ZZZ3: variants seen among roughly 807,000 people sequenced by gnomAD.
ZZZ3 encodes the protein ZZ-type zinc finger-containing protein 3.
In ZZZ3, 22 loss-of-function variants were observed where a neutral mutation model predicts 95.2. The ratio of observed to expected loss-of-function variants is 0.23; its 90% CI spans 0.17 to 0.33. ZZZ3 has a LOEUF of 0.33. Among genes scored for constraint, ZZZ3 ranks in the 10% least tolerant of loss-of-function variants. The pLI is 1.00. For missense variants in ZZZ3, 885 were observed against 1,066.5 expected, an observed-to-expected ratio of 0.83 and a Z score of 2.37; for synonymous variants, 335 against 358.9, an observed-to-expected ratio of 0.93 and a Z score of 0.75.
chr1:77,575,833 T>A (rs1330025287), intron 12 of ZZZ3, among the ~76,000 whole-genome samples: 1 of 152,206 alleles, frequency 6.6e-6, no homozygotes, highest in Non-Finnish European at 1.5e-5. Context: ...TTGAGGTGGG[T>A]AGGGAGTAGA....
At chr1:77,668,552 AC>A (rs1671454106) in intron 1 of ZZZ3, among the ~76,000 whole-genome samples, 1 of 152,036 alleles carries the variant, frequency 6.6e-6, no homozygotes, top group Admixed American at 6.6e-5. Context: ...AATAAGGAAA[AC>A]AAAGCTTAGA....
chr1:77,578,778 T>C lies in ZZZ3; in HGVS notation c.2174A>G (p.Lys725Arg), dbSNP rs755933801. The C allele has an allele frequency of 3.3e-6, 5 of 1,518,504 alleles. No homozygotes were observed. In the East Asian group the frequency reaches 7.4e-5, roughly 22 times the overall value. The allele number at this position is 1,518,504 out of a possible 1,614,324, so 94.1% of individuals were successfully genotyped here. ...CTTTCATGTATTTTCTTTTACCTTT[T>C]TGGAGTATATATATAAGTTTGGTGT... is the stretch of plus-strand genomic sequence containing the variant. The part of the protein sequence containing the change: ...GRTPNLYIYS[K>R]KSSTSRRQHP... Residue 725 changes from lysine (K) to arginine (R), a missense_variant, in exon 11 of 15, where the codon AAA becomes AGA. Physicochemically the swap from Lys to Arg is conservative, Grantham distance 26 (BLOSUM62 2). Transcript: ENST00000370801.
At position 77,593,899 on chromosome 1, in the gene ZZZ3, CTTCT is replaced by C. The variant is rs1303856549; in HGVS notation, c.1506-9248_1506-9245del. Among the ~76,000 whole-genome samples the C allele has an allele frequency of 5.3e-5, 8 of 152,256 alleles. No individual in the cohort carries two copies. In the South Asian group the frequency reaches 8.3e-4, roughly 16 times the overall value. ...TCAAGTCATTAAACCTTGGGTCTTGCTTCTTTGTCTTTAAAATGAAAATGGACAA... is the reference window on the plus strand; with the variant it reads ...TCAAGTCATTAAACCTTGGGTCTTGCTTGTCTTTAAAATGAAAATGGACAA... On this transcript the variant is annotated intron_variant, in intron 5 of 14. Coordinates refer to ENST00000370801, the MANE Select transcript of ZZZ3 (RefSeq NM_015534.6).
At position 77,562,503 on chromosome 1, in the gene ZZZ3, C is replaced by T. The variant is rs1660498532; in HGVS notation, c.*3137G>A. 1 of 152,198 alleles carries T rather than the reference C, an allele frequency of 6.6e-6. No individual in the cohort carries two copies. Among genetic ancestry groups the T allele is most frequent in the Non-Finnish European group, 1.5e-5 (1 of 68,044 alleles). The allele number at this position is 152,198 out of a possible 1,614,324, so 9.4% of individuals were successfully genotyped here. A position where few individuals can be genotyped will look rare whatever the true frequency, so the allele number is the denominator to read the frequency against. On this transcript the variant is annotated 3_prime_UTR_variant, in exon 15 of 15. Transcript: ENST00000370801. ...CACAAAACAATATTTATCTTTATTA[C>T]ATGTGATGTACCATTTTCTCTATTC...
chr1:77,669,022 AAC>A (rs1491014180), intron 1 of ZZZ3, among the ~76,000 whole-genome samples: 1 of 152,190 alleles, frequency 6.6e-6, no homozygotes, highest in Admixed American at 6.5e-5. Flanking sequence ...AAAAAAAAAA[AAC>A]AGCCTTATGC....
chr1:77,579,633 G>C lies in ZZZ3; in HGVS notation c.1981-5C>G, dbSNP rs1662303462. The C allele has an allele frequency of 6.5e-7, 1 of 1,547,978 alleles. No homozygotes were observed. The highest frequency in any genetic ancestry group is 8.7e-7 in the Non-Finnish European group (1 of 1,150,096). On this transcript the variant is annotated splice_region_variant and splice_polypyrimidine_tract_variant and intron_variant, in intron 9 of 14. Coordinates refer to ENST00000370801, the MANE Select transcript of ZZZ3 (RefSeq NM_015534.6). ...GAGTAGCTGTTCCAGCTTTTTCTAA[G>C]CCATACCCAAGACCAAATTTAAGAA...
intron 3 of ZZZ3, among the ~76,000 whole-genome samples, chr1:77,640,457 G>C (rs1052346933): frequency 6.6e-6 from 1 of 151,904 alleles, no homozygotes; most frequent in Non-Finnish European, 1.5e-5. Flanking sequence ...AAAATTAGCT[G>C]GGCATGGTGG....
intron 5 of ZZZ3, among the ~76,000 whole-genome samples, chr1:77,601,325 A>T (rs1398580223): frequency 6.6e-6 from 1 of 152,224 alleles, no homozygotes; most frequent in Admixed American, 6.5e-5. Flanking sequence ...CTAGTAAGTC[A>T]TTTCAGTGGA....
intron 5 of ZZZ3, among the ~76,000 whole-genome samples, chr1:77,595,309 G>A (rs755554485): frequency 3.3e-5 from 5 of 152,082 alleles, no homozygotes; most frequent in African/African-American, 9.6e-5. Flanking sequence ...AATTTAACTA[G>A]CCATGATGAA....
Position 77,565,580 on chromosome 1 carries a change from T to A in ZZZ3, c.*60A>T. ...GAATCTTTCCAAACTGTGCACATAATTAACAATGATACCATTGCTATGTGT... is the reference window on the plus strand; with the variant it reads ...GAATCTTTCCAAACTGTGCACATAAATAACAATGATACCATTGCTATGTGT... On this transcript the variant is annotated 3_prime_UTR_variant, in exon 15 of 15. Transcript: ENST00000370801. The A allele has an allele frequency of 3.3e-6, 5 of 1,530,494 alleles. No homozygotes were observed. The South Asian group carries it at 6.0e-5, about 18-fold the overall frequency. 94.8% of individuals were successfully genotyped at this position (1,530,494 alleles called of 1,614,324 possible). A position where few individuals can be genotyped will look rare whatever the true frequency, so the allele number is the denominator to read the frequency against.
chr1:77,565,911 T>A, intron 14 of ZZZ3, 127 bp from the exon 15 acceptor site: 2 of 1,182,538 alleles, frequency 1.7e-6, no homozygotes, highest in Non-Finnish European at 2.3e-6. Flanking sequence ...AACGGAAAGT[T>A]ACTTGACATG....
chr1:77,681,390 C>T (rs1672741387), intron 1 of ZZZ3, among the ~76,000 whole-genome samples: 1 of 152,056 alleles, frequency 6.6e-6, no homozygotes, highest in African/African-American at 2.4e-5. Context: ...AATTAACTCC[C>T]CACTCCTTAT....
At chr1:77,623,834 A>C (rs1367283646) in intron 5 of ZZZ3, among the ~76,000 whole-genome samples, 1 of 152,200 alleles carries the variant, frequency 6.6e-6, no homozygotes, top group African/African-American at 2.4e-5. Context: ...CCCTATGTTA[A>C]AATCAGAGAA....
Position 77,566,065 on chromosome 1 carries a change from T to A in ZZZ3, c.2567+16A>T. 1.3e-6 allele frequency: 2 copies of A among 1,589,476 alleles called. No individual in the cohort carries two copies. Among genetic ancestry groups the A allele is most frequent in the Non-Finnish European group, 1.7e-6 (2 of 1,162,818 alleles). On this transcript the variant is annotated intron_variant, in intron 14 of 14. Transcript: ENST00000370801. ...TCTTGTCTAAGTTGAAGACTGACAA[T>A]GAAGAAAACACTTACCAGTCTGAAC... is the stretch of plus-strand genomic sequence containing the variant.
intron 5 of ZZZ3, among the ~76,000 whole-genome samples, chr1:77,620,931 A>G (rs1427777670): frequency 2.0e-5 from 3 of 152,216 alleles, no homozygotes; most frequent in Non-Finnish European, 2.9e-5. Flanking sequence ...AGAACACAGA[A>G]AGAAGTGAGT....
chr1:77,675,278 T>C (rs1303496258), intron 1 of ZZZ3, among the ~76,000 whole-genome samples: 3 of 152,244 alleles, frequency 2.0e-5, no homozygotes, highest in African/African-American at 7.2e-5. Context: ...CAATCTGCTT[T>C]CCAACGGGAA....
At chr1:77,682,319 T>G (rs1309126224) in intron 1 of ZZZ3, among the ~76,000 whole-genome samples, 2 of 152,106 alleles carry the variant, frequency 1.3e-5, no homozygotes, top group Non-Finnish European at 2.9e-5. Flanking sequence ...AGAGGAACGG[T>G]ATCCAATGGA....
chr1:77,594,921 CAAAAAAAAAAA>C (rs371690201), intron 5 of ZZZ3, among the ~76,000 whole-genome samples: 3 of 80,704 alleles, frequency 3.7e-5, no homozygotes, highest in Non-Finnish European at 5.1e-5. Flanking sequence ...TTGACAGGCC[CAAAAAAAAAAA>C]AAAAAAAAAA....
At chr1:77,665,973 G>A (rs1192212199) in intron 1 of ZZZ3, among the ~76,000 whole-genome samples, 3 of 152,170 alleles carry the variant, frequency 2.0e-5, no homozygotes, top group Non-Finnish European at 2.9e-5. Context: ...CCCAGAAGGC[G>A]GAGGGTGCCG....
Sources: allele counts gnomAD v4.1 joint callset (sites outside exome capture counted in the v4.1 genomes callset), GRCh38; gene constraint gnomAD v4.1.1; transcripts MANE v1.5; gene names NCBI Gene and HGNC (gene_info 2026-07-23, HGNC 2026-07-21).